Variants in CDH19 observed in about 807,000 individuals in gnomAD.
CDH19 encodes the protein cadherin 19, also known as cadherin-19.
Under a neutral mutation model 64.2 loss-of-function variants are expected in CDH19, and 67 were observed. That is an observed-to-expected ratio of 1.04 (90% confidence interval 0.86 to 1.28). The LOEUF (loss-of-function observed/expected upper bound fraction) is 1.28, where lower values mean the gene tolerates loss of function less well. CDH19 is among the 50% of genes most tolerant of loss of function. The pLI is 0.00. For missense variants in CDH19, 1,030 were observed against 929.0 expected, an observed-to-expected ratio of 1.11 and a Z score of -1.41; for synonymous variants, 346 against 319.3, an observed-to-expected ratio of 1.08 and a Z score of -0.89.
At chr18:66,548,989 G>T (rs1987242426) in intron 5 of CDH19, among the ~76,000 whole-genome samples, 1 of 152,192 alleles carries the variant, frequency 6.6e-6, no homozygotes, top group African/African-American at 2.4e-5. Flanking sequence ...AGGGTAGGAA[G>T]TGTTGCCCAC....
intron 1 of CDH19, among the ~76,000 whole-genome samples, chr18:66,601,728 A>T (rs1253859268): frequency 6.6e-6 from 1 of 151,894 alleles, no homozygotes; most frequent in Non-Finnish European, 1.5e-5. Context: ...GAGGGCAGGC[A>T]TCATTTGAAA....
At chr18:66,549,565 C>T (rs1171119728) in intron 5 of CDH19, among the ~76,000 whole-genome samples, 3 of 152,194 alleles carry the variant, frequency 2.0e-5, no homozygotes, top group South Asian at 2.1e-4. Context: ...AAGGTGCAGA[C>T]TCTGACCCCT....
At position 66,501,200 on chromosome 18, in the gene CDH19, G is replaced by A. The variant is rs925228878; in HGVS notation, c.*3612C>T. On this transcript the variant is annotated 3_prime_UTR_variant, in exon 12 of 12. Coordinates refer to ENST00000262150, the MANE Select transcript of CDH19 (RefSeq NM_021153.4). The stretch of plus-strand genomic sequence containing the variant: ...TGGATTCATTACTACATTAATTCCA[G>A]AAATATTTATTGGTCACTTTCTGTG... 9 of 152,110 alleles carry A rather than the reference G, an allele frequency of 5.9e-5. No homozygotes were observed. The highest frequency in any genetic ancestry group is 1.9e-4 in the African/African-American group (8 of 41,420). The allele number at this position is 152,110 out of a possible 1,614,324, so 9.4% of individuals were successfully genotyped here. A position where few individuals can be genotyped will look rare whatever the true frequency, so the allele number is the denominator to read the frequency against.
At position 66,551,163 on chromosome 18, in the gene CDH19, A is replaced by G; in HGVS notation, c.706T>C (p.Leu236=). ...ATTAATACACTTGTTGTTCCAGACAACGCTCCTGGCTGACCAATCATGTCC... is the reference window on the plus strand; with the variant it reads ...ATTAATACACTTGTTGTTCCAGACAGCGCTCCTGGCTGACCAATCATGTCC... ...AKDMIGQPGA[L]SGTTSVLIKL... The change falls in exon 5 of 12, where the codon TTG becomes CTG. Residue 236 remains leucine (L), a synonymous_variant. Transcript: ENST00000262150. 1 of 1,608,210 alleles carries G rather than the reference A, an allele frequency of 6.2e-7. No individual in the cohort carries two copies. The highest frequency in any genetic ancestry group is 1.1e-5 in the South Asian group (1 of 90,892).
chr18:66,506,691 G>A (rs1985217189), intron 11 of CDH19, among the ~76,000 whole-genome samples: 1 of 151,738 alleles, frequency 6.6e-6, no homozygotes, highest in South Asian at 2.1e-4. Context: ...GTGTGTGTGT[G>A]TCTTTGCGTG....
In CDH19 at chr18:66,568,534, A is replaced by G. The variant is rs569148708; in HGVS notation, c.372T>C (p.Thr124=). 3 of 1,612,442 alleles carry G rather than the reference A, an allele frequency of 1.9e-6. No homozygotes were observed. Among genetic ancestry groups the G allele is most frequent in the South Asian group, 2.2e-5 (2 of 91,050 alleles). ...ILRAQVIDIA[T]GRAVEPESEF... is the part of the protein sequence containing the mutation. ...CAGACTCAGGTTCCACAGCCCTTCC[A>G]GTAGCGATGTCTATTACCTGGGCTC... The change falls in exon 3 of 12, where the codon ACT becomes ACC. Residue 124 remains threonine (T), a synonymous_variant. Coordinates refer to ENST00000262150, the MANE Select transcript of CDH19 (RefSeq NM_021153.4).
At chr18:66,596,853 C>A (rs555764758) in intron 1 of CDH19, among the ~76,000 whole-genome samples, 3 of 151,358 alleles carry the variant, frequency 2.0e-5, no homozygotes, top group Non-Finnish European at 4.4e-5. Context: ...GAGGCCGAGG[C>A]GGGCGGATCA....
intron 2 of CDH19, among the ~76,000 whole-genome samples, chr18:66,569,560 G>A (rs1382510152): frequency 6.6e-6 from 1 of 151,410 alleles, no homozygotes; most frequent in Non-Finnish European, 1.5e-5. Context: ...TTCAGCCTGT[G>A]CACTCATTTT....
chr18:66,554,361 T>C, intron 4 of CDH19, 44 bp downstream of exon 4: 1 of 1,601,374 alleles, frequency 6.2e-7, no homozygotes, highest in South Asian at 1.1e-5. Flanking sequence ...ACAATTGCCT[T>C]CTTTAGAATC....
intron 1 of CDH19, 40 bp from the exon 2 acceptor site, chr18:66,572,356 A>C (rs1028671175): frequency 1.4e-5 from 7 of 500,550 alleles, no homozygotes; most frequent in African/African-American, 1.2e-4. Context: ...ACATTTTAAA[A>C]TAACATTTTC....
chr18:66,538,519 A>T (rs1268384058), intron 7 of CDH19, among the ~76,000 whole-genome samples: 2 of 151,804 alleles, frequency 1.3e-5, no homozygotes, highest in Non-Finnish European at 2.9e-5. Context: ...ATTTTTTTTA[A>T]TCCACTCACC....
chr18:66,558,852 T>G (rs1431960349), intron 3 of CDH19, among the ~76,000 whole-genome samples: 1 of 152,074 alleles, frequency 6.6e-6, no homozygotes. Flanking sequence ...TAAGAACATA[T>G]GTAAGTATTT....
rs573411607 is a variant in CDH19, at chr18:66,544,886, C to G, written c.793G>C (p.Val265Leu). The G allele has an allele frequency of 1.2e-6, 2 of 1,608,314 alleles. No homozygotes were observed. Among genetic ancestry groups the G allele is most frequent in the South Asian group, 1.1e-5 (1 of 89,558 alleles). The part of the protein sequence containing the change: ...IFKESLYRLT[V>L]SESAPTGTSI... ...GTCCCAGTGGGTGCAGATTCAGAGA[C>G]AGTCAAGCGGTATAAACCTTTAAAA... The change falls in exon 6 of 12, where the codon GTC (valine) becomes CTC (leucine). Residue 265 changes from valine (V) to leucine (L), a missense_variant. Coordinates refer to ENST00000262150, the MANE Select transcript of CDH19 (RefSeq NM_021153.4).
At chr18:66,541,613 AT>A (rs1986889364) in intron 7 of CDH19, among the ~76,000 whole-genome samples, 1 of 152,184 alleles carries the variant, frequency 6.6e-6, no homozygotes, top group Non-Finnish European at 1.5e-5. Context: ...TATGAAAAAA[AT>A]CAACAATATC....
At chr18:66,522,447 G>A (rs982132832) in intron 9 of CDH19, among the ~76,000 whole-genome samples, 5 of 151,666 alleles carry the variant, frequency 3.3e-5, no homozygotes, top group African/African-American at 1.2e-4. Context: ...ACGGGGGTGC[G>A]CCATGTTGGC....
intron 5 of CDH19, among the ~76,000 whole-genome samples, chr18:66,545,885 G>C (rs1164976651): frequency 6.6e-6 from 1 of 151,634 alleles, no homozygotes; most frequent in Non-Finnish European, 1.5e-5. Context: ...TAATTGATTT[G>C]GTCCTAAGAA....
chr18:66,569,061 C>G (rs1301331464), intron 2 of CDH19, among the ~76,000 whole-genome samples: 1 of 151,428 alleles, frequency 6.6e-6, no homozygotes, highest in Non-Finnish European at 1.5e-5. Flanking sequence ...AATATTTATA[C>G]TAGATTGGGT....
chr18:66,507,490 T>G (rs1201217927), intron 11 of CDH19, among the ~76,000 whole-genome samples: 7 of 151,778 alleles, frequency 4.6e-5, no homozygotes, highest in Admixed American at 4.6e-4. Flanking sequence ...TTAGACTATA[T>G]ATTTTGGCAT....
Position 66,554,505 on chromosome 18 carries a change from C to T in CDH19, c.510G>A (p.Val170=). The stretch of plus-strand genomic sequence containing the variant: ...AGGGATCGTCAGCATCACTTGCTGT[C>T]ACCTGGATAACTAATGTTCCTAAAG... ...MSPEGTLVIQ[V]TASDADDPSS... is the part of the protein sequence containing the mutation. The change falls in exon 4 of 12, where the codon GTG becomes GTA. Residue 170 remains valine, a synonymous_variant. Transcript: ENST00000262150. 1 of 1,611,162 alleles carries T rather than the reference C, an allele frequency of 6.2e-7. No individual in the cohort carries two copies. The highest frequency in any genetic ancestry group is 8.5e-7 in the Non-Finnish European group (1 of 1,178,000).
Sources: gnomAD v4.1 joint callset for allele counts (sites outside exome capture counted in the v4.1 genomes callset) on GRCh38, gnomAD v4.1.1 for gene constraint, MANE v1.5 for transcripts, NCBI Gene and HGNC (gene_info 2026-07-23, HGNC 2026-07-21) for gene names.